ITGA3: variants seen among roughly 807,000 people sequenced by gnomAD.
ITGA3 encodes integrin alpha-3.
ITGA3 carries 70 observed loss-of-function variants against 131.1 expected under a neutral mutation model. The observed-to-expected ratio is 0.53, with a 90% confidence interval of 0.44 to 0.65. The LOEUF (loss-of-function observed/expected upper bound fraction) is 0.65, where lower values mean the gene tolerates loss of function less well. ITGA3 is among the 30% of genes least tolerant of loss of function. The pLI is 0.00. For missense variants in ITGA3, 1,098 were observed against 1,388.6 expected (o/e 0.79, Z 3.33); for synonymous variants, 537 against 571.6 (o/e 0.94, Z 0.86).
At chr17:50,068,462 C>T (rs937166237) in intron 4 of ITGA3, among the ~76,000 whole-genome samples, 157 bp downstream of exon 4, 1 of 152,188 alleles carries the variant, frequency 6.6e-6, no homozygotes, top group Non-Finnish European at 1.5e-5. Flanking sequence ...AAAGCACTTA[C>T]TATGTGCCAG....
At chr17:50,070,027 C>T (rs1324824804) in intron 4 of ITGA3, among the ~76,000 whole-genome samples, 3 of 152,316 alleles carry the variant, frequency 2.0e-5, no homozygotes, top group Middle Eastern at 3.4e-3. Context: ...GAGGCCTCTG[C>T]CCCCTCTTCT....
At chr17:50,075,820 C>A in intron 12 of ITGA3, 85 bp downstream of exon 12, 1 of 1,421,968 alleles carries the variant, frequency 7.0e-7, no homozygotes, top group Non-Finnish European at 9.8e-7. Context: ...GGGTGAGGGA[C>A]GGGGGTCTCC....
chr17:50,071,912 C>T (rs1431483519), intron 6 of ITGA3, 74 bp from the exon 7 acceptor site: 2 of 1,367,268 alleles, frequency 1.5e-6, no homozygotes, highest in African/African-American at 2.9e-5. Flanking sequence ...GGCACAGTCA[C>T]ACCTGTCAAA....
Position 50,076,971 on chromosome 17 carries a change from C to T in ITGA3, c.1923-3C>T, listed in dbSNP as rs370554256. 17 of 1,602,508 alleles carry T rather than the reference C, an allele frequency of 1.1e-5. No individual in the cohort carries two copies. The highest frequency in any genetic ancestry group is 1.3e-5 in the Non-Finnish European group (15 of 1,171,990). ...TGGCTGAGTCCTGGGCTCCTGCTCT[C>T]AGGCTCCAGTACAGCAGAGACGTCC... On this transcript the variant is annotated splice_polypyrimidine_tract_variant and splice_region_variant and intron_variant, in intron 14 of 25. Transcript: ENST00000320031.
rs890056932 is a variant in ITGA3 at position 50,077,868 on chromosome 17, A to C, written c.2140-178A>C. The C allele has an allele frequency of 2.2e-5, 13 of 589,886 alleles. No homozygotes were observed. In the African/African-American group the frequency reaches 2.2e-4, roughly 10 times the overall value. The allele number at this position is 589,886 out of a possible 1,614,324, so 36.5% of individuals were successfully genotyped here. A position where few individuals can be genotyped will look rare whatever the true frequency, so the allele number is the denominator to read the frequency against. ...GTAGCAGAGATGTGACCTGATGGAG[A>C]GAAAGGGGGAAAGGGAGGCAGAGGT... On this transcript the variant is annotated intron_variant, in intron 16 of 25. Coordinates refer to ENST00000320031, the MANE Select transcript of ITGA3 (RefSeq NM_002204.4).
intron 23 of ITGA3, among the ~76,000 whole-genome samples, chr17:50,085,892 T>A (rs1206928609): frequency 7.5e-6 from 1 of 133,034 alleles, no homozygotes; most frequent in East Asian, 2.1e-4. Context: ...TAATGTATAT[T>A]AGATTATACA....
At chr17:50,083,989 C>A (rs1235570816) in intron 23 of ITGA3, among the ~76,000 whole-genome samples, 2 of 151,502 alleles carry the variant, frequency 1.3e-5, no homozygotes, top group African/African-American at 4.8e-5. Context: ...GTAATCCCAG[C>A]ACTTTAGGAG....
chr17:50,068,488 T>G (rs1908441030), intron 4 of ITGA3, among the ~76,000 whole-genome samples, 183 bp downstream of exon 4: 1 of 152,206 alleles, frequency 6.6e-6, no homozygotes, highest in South Asian at 2.1e-4. Context: ...TTACGCATAT[T>G]ATGTCAATCA....
Position 50,090,073 on chromosome 17 carries a change from C to T in ITGA3, c.*995C>T, listed in dbSNP as rs1909644965. On this transcript the variant is annotated 3_prime_UTR_variant, in exon 26 of 26. Transcript: ENST00000320031. The stretch of plus-strand genomic sequence containing the variant: ...TTGGGAGGATACAGAGGAGATGCCA[C>T]TTCTCACTCACCACTACCAGCCAGC... 1 of 336,270 alleles carries T rather than the reference C, an allele frequency of 3.0e-6. No homozygotes were observed. The highest frequency in any genetic ancestry group is 3.5e-5 in the Admixed American group (1 of 28,360). The allele number at this position is 336,270 out of a possible 1,614,324, so 20.8% of individuals were successfully genotyped here.
chr17:50,077,407 T>G lies in ITGA3; in HGVS notation c.2099T>G (p.Ile700Ser), dbSNP rs1463368807. 1 of 1,614,092 alleles carries G rather than the reference T, an allele frequency of 6.2e-7. No homozygotes were observed. Among genetic ancestry groups the G allele is most frequent in the East Asian group, 2.2e-5 (1 of 44,880 alleles). The stretch of plus-strand genomic sequence containing the variant: ...GGGGCCTGCCAAGCTAATGAGACCA[T>G]CTTTTGCGAGCTGGGGAACCCCTTC... ...PPGACQANET[I>S]FCELGNPFKR... The change falls in exon 16 of 26, where the codon ATC (isoleucine) becomes AGC (serine). Residue 700 changes from isoleucine (I) to serine (S), a missense_variant. Ile to Ser is a moderately radical substitution (Grantham distance 142). Around this residue, in one of 3 missense-constraint regions of ITGA3, gnomAD observed 699 missense variants for 829.2 expected, o/e 0.84. Transcript: ENST00000320031.
At chr17:50,081,264 G>A (rs1473339650) in intron 22 of ITGA3, 46 bp from the exon 23 acceptor site, 2 of 1,267,132 alleles carry the variant, frequency 1.6e-6, no homozygotes, top group Non-Finnish European at 2.3e-6. Flanking sequence ...GGTAGGCTCA[G>A]AGAAGTGTCA....
intron 1 of ITGA3, among the ~76,000 whole-genome samples, chr17:50,061,128 G>T (rs891652333): frequency 6.6e-6 from 1 of 151,972 alleles, no homozygotes; most frequent in Non-Finnish European, 1.5e-5. Flanking sequence ...AAAATACTCT[G>T]GGGGGGTGAA....
chr17:50,077,571 C>T (rs764873201), intron 16 of ITGA3, 124 bp downstream of exon 16: 90 of 761,462 alleles, frequency 1.2e-4, no homozygotes, highest in Non-Finnish European at 1.9e-4. Context: ...AGCCACAGTG[C>T]GGGAGGAGAG....
At chr17:50,075,562 C>G (rs777847285) in intron 11 of ITGA3, 36 bp downstream of exon 11, 1 of 1,614,228 alleles carries the variant, frequency 6.2e-7, no homozygotes, top group East Asian at 2.2e-5. Context: ...GGGGTACGCT[C>G]CCCTGTCCCC....
chr17:50,082,329 C>A (rs142603173), intron 23 of ITGA3, among the ~76,000 whole-genome samples: 11,029 of 152,134 alleles, frequency 0.072, 635 homozygotes, highest in African/African-American at 0.15. Flanking sequence ...CAGGCGCCCA[C>A]CACCACGCCC....
At chr17:50,082,031 TG>T (rs1418721650) in intron 23 of ITGA3, among the ~76,000 whole-genome samples, 3 of 152,138 alleles carry the variant, frequency 2.0e-5, no homozygotes, top group Admixed American at 6.6e-5. Flanking sequence ...GCTTCAGAGA[TG>T]GTGTCACTCT....
intron 3 of ITGA3, chr17:50,065,573 CTTGA>C (rs1477001114): frequency 1.3e-5 from 2 of 152,212 alleles, no homozygotes; most frequent in Non-Finnish European, 2.9e-5. Flanking sequence ...TTTCTCTTGC[CTTGA>C]TAGTTCCACA....
rs111314082 is a variant in ITGA3, at chr17:50,075,433, C to T, written c.1470-26C>T. 1,110 of 1,612,962 alleles carry T rather than the reference C, an allele frequency of 6.9e-4. 5 individuals are homozygous for T. In the African/African-American group the frequency reaches 0.012, roughly 17 times the overall value. The stretch of plus-strand genomic sequence containing the variant: ...TGGACGTGTGTGTCCCACTGTGACC[C>T]GCCCTCCTGTACATCCCTCCAACAG... On this transcript the variant is annotated intron_variant, in intron 10 of 25. Coordinates refer to ENST00000320031, the MANE Select transcript of ITGA3 (RefSeq NM_002204.4).
chr17:50,062,068 A>G (rs1325806715), intron 1 of ITGA3, among the ~76,000 whole-genome samples: 6 of 152,168 alleles, frequency 3.9e-5, no homozygotes, highest in African/African-American at 1.4e-4. Flanking sequence ...AAAGAAAAAA[A>G]GAAATTCCTG....
Sources: allele counts gnomAD v4.1 joint callset (sites outside exome capture counted in the v4.1 genomes callset), GRCh38; gene constraint gnomAD v4.1.1; regional missense constraint gnomAD v4.1.1; transcripts MANE v1.5; gene names NCBI Gene and HGNC (gene_info 2026-07-23, HGNC 2026-07-21).